Variants in RSAD2 observed in about 807,000 individuals in gnomAD.
RSAD2 encodes the protein S-adenosylmethionine-dependent nucleotide dehydratase RSAD2.
A neutral mutation model predicts 37.7 loss-of-function variants in RSAD2; 38 were observed. That is an observed-to-expected ratio of 1.01 (90% CI 0.78 to 1.32). RSAD2 has a LOEUF of 1.32. RSAD2 is among the 40% of genes most tolerant of loss of function. The probability of loss-of-function intolerance (pLI) is 0.00; values close to 1 mark genes in which losing one functional copy is unlikely to be tolerated. For missense variants in RSAD2, 428 were observed against 437.5 expected, an observed-to-expected ratio of 0.98 and a Z score of 0.19; for synonymous variants, 163 against 157.4, an observed-to-expected ratio of 1.04 and a Z score of -0.27.
At chr2:6,881,805 G>A (rs1457959826) in intron 1 of RSAD2, among the ~76,000 whole-genome samples, 1 of 151,728 alleles carries the variant, frequency 6.6e-6, no homozygotes, top group Non-Finnish European at 1.5e-5. Context: ...ATGCAGGCAG[G>A]TGGGTGTATA....
exon 1 of RSAD2, chr2:6,865,947 C>G: frequency 7.6e-7 from 1 of 1,308,736 alleles, no homozygotes; most frequent in Non-Finnish European, 1.0e-6. Flanking sequence ...GACGCTTGGC[C>G]CCGGGGCCCC....
At chr2:6,880,565 A>G (rs976868037) in intron 1 of RSAD2, among the ~76,000 whole-genome samples, 9 of 152,180 alleles carry the variant, frequency 5.9e-5, no homozygotes, top group African/African-American at 1.9e-4. Flanking sequence ...GACCCATTGT[A>G]TGACAGTGAA....
upstream of RSAD2, among the ~76,000 whole-genome samples, chr2:6,874,146 T>C (rs138092517): frequency 1.3e-5 from 2 of 152,248 alleles, no homozygotes; most frequent in African/African-American, 4.8e-5. Flanking sequence ...AGCATCTTTC[T>C]CTCTTGCTCC....
intron 5 of RSAD2, among the ~76,000 whole-genome samples, 196 bp from the exon 6 acceptor site, chr2:6,895,582 C>A (rs988046904): frequency 3.3e-5 from 5 of 152,218 alleles, no homozygotes; most frequent in Non-Finnish European, 7.3e-5. Flanking sequence ...TGTACTTAGC[C>A]CAGCCTCTTC....
intron 2 of RSAD2, among the ~76,000 whole-genome samples, chr2:6,885,731 A>G (rs1663504353): frequency 6.6e-6 from 1 of 151,562 alleles, no homozygotes; most frequent in Admixed American, 6.6e-5. Flanking sequence ...TTGGAAATCA[A>G]CTAGGTCTGT....
chr2:6,877,844 G>T lies in RSAD2; in HGVS notation c.44G>T (p.Ser15Ile), dbSNP rs775696150. 1 of 1,614,054 alleles carries T rather than the reference G, an allele frequency of 6.2e-7. No homozygotes were observed. ...TPAAFAGKLL[S>I]VFRQPLSSLW... ...GCTGCTTTTGCTGGGAAGCTCTTGA[G>T]TGTGTTCAGGCAACCTCTGAGCTCT... Residue 15 changes from serine (S) to isoleucine (I), a missense_variant, in exon 1 of 6, where the codon AGT becomes ATT. Coordinates refer to ENST00000382040, the MANE Select transcript of RSAD2 (RefSeq NM_080657.5).
chr2:6,868,583 G>A (rs1663148454), intron 1 of RSAD2, among the ~76,000 whole-genome samples: 5 of 152,226 alleles, frequency 3.3e-5, no homozygotes, highest in Admixed American at 2.6e-4. Context: ...AAAAAGCACT[G>A]AGCAAGTTTC....
At chr2:6,895,018 T>C (rs963502253) in intron 5 of RSAD2, among the ~76,000 whole-genome samples, 8 of 152,250 alleles carry the variant, frequency 5.3e-5, no homozygotes, top group African/African-American at 1.7e-4. Context: ...CTTTTACCAA[T>C]TGAATAACAT....
At chr2:6,874,116 G>C (rs932215584), upstream of RSAD2, among the ~76,000 whole-genome samples, 1 of 152,120 alleles carries the variant, frequency 6.6e-6, no homozygotes, top group Non-Finnish European at 1.5e-5. Flanking sequence ...TTAAAAGTGT[G>C]TAGCGCCTCC....
chr2:6,890,253 T>C lies in RSAD2; in HGVS notation c.816T>C (p.Gly272=), dbSNP rs1424048087. Residue 272 remains glycine (G), a synonymous_variant, in exon 4 of 6, where the codon GGT becomes GGC. Transcript: ENST00000382040. ...GAGAAGCAGAAAGATTTGTTATTGG[T>C]GATGAAGAATTTGAAAGATTCTTGG... The part of the protein sequence containing the change: ...ALREAERFVI[G]DEEFERFLER... 1.2e-6 allele frequency: 2 copies of C among 1,614,154 alleles called. No individual in the cohort carries two copies.
chr2:6,865,982 G>C, exon 1 of RSAD2: 1 of 898,238 alleles, frequency 1.1e-6, no homozygotes, highest in Non-Finnish European at 1.5e-6. Context: ...GCGGGCCTGC[G>C]CGGTCCCCAG....
At chr2:6,890,883 T>C (rs909383290) in intron 4 of RSAD2, among the ~76,000 whole-genome samples, 12 of 152,110 alleles carry the variant, frequency 7.9e-5, no homozygotes, top group Non-Finnish European at 1.0e-4. Flanking sequence ...GTCTACACTG[T>C]GGAGCTTCAG....
intron 2 of RSAD2, among the ~76,000 whole-genome samples, chr2:6,884,997 T>C (rs1663488377): frequency 6.6e-6 from 1 of 152,214 alleles, no homozygotes; most frequent in African/African-American, 2.4e-5. Context: ...GATGGGTCTA[T>C]GTGTTGAGTG....
intron 1 of RSAD2, among the ~76,000 whole-genome samples, chr2:6,872,573 G>C (rs973671197): frequency 6.6e-6 from 1 of 152,100 alleles, no homozygotes; most frequent in African/African-American, 2.4e-5. Flanking sequence ...AGAGAAATGA[G>C]AAAGAACCTT....
intron 1 of RSAD2, among the ~76,000 whole-genome samples, chr2:6,882,460 C>A (rs1349381423): frequency 6.6e-6 from 1 of 151,518 alleles, no homozygotes; most frequent in Non-Finnish European, 1.5e-5. Flanking sequence ...AAAATGAGAC[C>A]AAAAAATCAG....
chr2:6,873,720 C>G (rs1014689982), upstream of RSAD2, among the ~76,000 whole-genome samples: 4 of 152,152 alleles, frequency 2.6e-5, no homozygotes, highest in Non-Finnish European at 4.4e-5. Flanking sequence ...CTTTTGACAT[C>G]TTTGGCAGGT....
chr2:6,871,834 G>A (rs1325602114), intron 1 of RSAD2, among the ~76,000 whole-genome samples: 5 of 152,102 alleles, frequency 3.3e-5, no homozygotes, highest in African/African-American at 1.2e-4. Context: ...TTTTTAGGTG[G>A]ATAAGACTAG....
At chr2:6,877,283 A>C (rs1663300780), upstream of RSAD2, 1 of 152,840 alleles carries the variant, frequency 6.5e-6, no homozygotes, top group Non-Finnish European at 1.5e-5. Flanking sequence ...TTTTACTGTG[A>C]TCTGAAAGGG....
chr2:6,866,595 TC>T, intron 1 of RSAD2: 1 of 336,420 alleles, frequency 3.0e-6, no homozygotes, highest in Non-Finnish European at 4.2e-6. Flanking sequence ...CCTGCCACAG[TC>T]CAGCATCAGC....
Sources: allele counts gnomAD v4.1 joint callset (sites outside exome capture counted in the v4.1 genomes callset), GRCh38; gene constraint gnomAD v4.1.1; transcripts MANE v1.5; gene names NCBI Gene and HGNC (gene_info 2026-07-23, HGNC 2026-07-21).